Variants in MAST3 observed in about 807,000 individuals in gnomAD.
MAST3 encodes the protein microtubule-associated serine/threonine-protein kinase 3.
MAST3 carries 43 observed loss-of-function variants against 127.0 expected under a neutral mutation model. The ratio of observed to expected loss-of-function variants is 0.34; its 90% CI spans 0.27 to 0.44. The LOEUF is 0.44. Among genes scored for constraint, MAST3 ranks in the 20% least tolerant of loss-of-function variants. MAST3 has a pLI of 1.00. For missense variants in MAST3, 1,390 were observed against 1,919.1 expected, an observed-to-expected ratio of 0.72 and a Z score of 5.15; for synonymous variants, 785 against 809.2, an observed-to-expected ratio of 0.97 and a Z score of 0.51.
intron 11 of MAST3, among the ~76,000 whole-genome samples, chr19:18,126,543 A>G (rs1210295978): frequency 6.6e-6 from 1 of 152,202 alleles, no homozygotes; most frequent in Non-Finnish European, 1.5e-5. Context: ...AGGCCAAGGC[A>G]GGAGGATCAC....
At position 18,123,649 on chromosome 19, in the gene MAST3, C is replaced by A; in HGVS notation, c.627C>A (p.Phe209Leu). 6.3e-7 allele frequency: 1 copy of A among 1,578,772 alleles called. No individual in the cohort carries two copies. Among genetic ancestry groups the A allele is most frequent in the Non-Finnish European group, 8.6e-7 (1 of 1,163,664 alleles). Residue 209 changes from phenylalanine (F) to leucine (L), a missense_variant, in exon 8 of 28, where the codon TTC becomes TTA. By Grantham distance (22) the Phe-to-Leu change is conservative. Around this residue, in one of 5 missense-constraint regions of MAST3, gnomAD observed 277 missense variants for 384.8 expected, o/e 0.72. Transcript: ENST00000687212. ...VMMNHVYRER[F>L]PKATAQMEGR... The stretch of plus-strand genomic sequence containing the variant: ...TGAATCACGTGTACCGGGAGAGGTT[C>A]CCCAAGGTGGGCAGCGCCTGGCGGC...
chr19:18,099,909 G>A (rs1416282955), intron 1 of MAST3, among the ~76,000 whole-genome samples: 1 of 152,282 alleles, frequency 6.6e-6, no homozygotes, highest in African/African-American at 2.4e-5. Context: ...TAGGGTGATG[G>A]GGAGCTATGG....
In MAST3 at chr19:18,149,282, C is replaced by G. The variant is rs779341820; in HGVS notation, c.3600C>G (p.His1200Gln). 24 of 1,543,896 alleles carry G rather than the reference C, an allele frequency of 1.6e-5. No individual in the cohort carries two copies. The highest frequency in any genetic ancestry group is 1.8e-5 in the Non-Finnish European group (21 of 1,148,166). ...AAGHTRPSSLHGLAAKLGPPR... is the reference protein window; with the variant it reads ...AAGHTRPSSLQGLAAKLGPPR... ...GCCACACCCGCCCCAGCTCCCTGCACGGCCTGGCTGCCAAGCTTGGGCCAC... is the reference window on the plus strand; with the variant it reads ...GCCACACCCGCCCCAGCTCCCTGCAGGGCCTGGCTGCCAAGCTTGGGCCAC... Residue 1200 changes from histidine (H) to glutamine (Q), a missense_variant, in exon 28 of 28, where the codon CAC (histidine) becomes CAG (glutamine). His to Gln is a conservative substitution (Grantham distance 24). Transcript: ENST00000687212. This position sits in a 1 kb window ranked among gnomAD's most constrained non-coding sequence, Gnocchi z 5.9.
intron 21 of MAST3, among the ~76,000 whole-genome samples, chr19:18,143,047 G>A (rs1268233413): frequency 4.0e-5 from 6 of 151,366 alleles, no homozygotes; most frequent in Non-Finnish European, 8.8e-5. Flanking sequence ...GGGAGGCGGA[G>A]GTTACAGTGA....
At chr19:18,109,161 C>T (rs904603640) in intron 2 of MAST3, among the ~76,000 whole-genome samples, 1 of 152,040 alleles carries the variant, frequency 6.6e-6, no homozygotes, top group Non-Finnish European at 1.5e-5. Context: ...GTATGCTTGG[C>T]GTTAGAAGAA....
chr19:18,113,609 TGCC>T (rs2038897361), intron 3 of MAST3, among the ~76,000 whole-genome samples: 1 of 152,076 alleles, frequency 6.6e-6, no homozygotes, highest in African/African-American at 2.4e-5. Flanking sequence ...TACAGGCATC[TGCC>T]ACCACTCCTG....
intron 13 of MAST3, among the ~76,000 whole-genome samples, chr19:18,130,287 G>C (rs1427014898): frequency 1.3e-5 from 2 of 152,226 alleles, no homozygotes; most frequent in Non-Finnish European, 2.9e-5. Flanking sequence ...GCCATGTGCA[G>C]CCCATTTATA....
chr19:18,149,772 G>A lies in MAST3; in HGVS notation c.*46G>A, dbSNP rs1226686681. On this transcript the variant is annotated 3_prime_UTR_variant, in exon 28 of 28. Coordinates refer to ENST00000687212, the MANE Select transcript of MAST3 (RefSeq NM_001393504.1). The surrounding 1 kb of genome is among the most constrained non-coding windows in gnomAD (Gnocchi z 5.9). Reference sequence around the variant, plus strand: ...TGGCATCAAAGTTACGCGTTTTCTTGTGCAATGTTTTTTCCGTAAAGTCAT... The same window carrying A: ...TGGCATCAAAGTTACGCGTTTTCTTATGCAATGTTTTTTCCGTAAAGTCAT... The A allele has an allele frequency of 1.9e-6, 3 of 1,603,602 alleles. No individual in the cohort carries two copies. The highest frequency in any genetic ancestry group is 2.5e-6 in the Non-Finnish European group (3 of 1,178,364).
At chr19:18,123,444 C>T (rs2040229023) in intron 7 of MAST3, 70 bp downstream of exon 7, 4 of 1,519,656 alleles carry the variant, frequency 2.6e-6, no homozygotes, top group South Asian at 2.5e-5. Context: ...GTTGTGGCTC[C>T]TCCTTCACCC....
In MAST3 at chr19:18,150,028, C is replaced by T. The variant is rs1266846067; in HGVS notation, c.*302C>T. On this transcript the variant is annotated 3_prime_UTR_variant, in exon 28 of 28. Coordinates refer to ENST00000687212, the MANE Select transcript of MAST3 (RefSeq NM_001393504.1). ...TTGAGACAGAGTCTCACTCTGTTGC[C>T]CGGGCTGGAGTGCAGCGGCGTGATC... 3.2e-6 allele frequency: 1 copy of T among 309,864 alleles called. No individual in the cohort carries two copies. The highest frequency in any genetic ancestry group is 6.0e-6 in the Non-Finnish European group (1 of 165,608). The allele number at this position is 309,864 out of a possible 1,614,324, so 19.2% of individuals were successfully genotyped here. A position where few individuals can be genotyped will look rare whatever the true frequency, so the allele number is the denominator to read the frequency against.
intron 27 of MAST3, among the ~76,000 whole-genome samples, chr19:18,148,091 C>T (rs906424734): frequency 2.0e-5 from 3 of 152,066 alleles, no homozygotes. Flanking sequence ...CACCTGAGGT[C>T]GGGAGTTCAA....
chr19:18,108,088 C>T (rs952154620), intron 2 of MAST3, among the ~76,000 whole-genome samples: 1 of 152,036 alleles, frequency 6.6e-6, no homozygotes, highest in African/African-American at 2.4e-5. Flanking sequence ...GCCAGAAGTT[C>T]AAGATCAGCC....
chr19:18,134,517 C>A (rs1391528373), intron 15 of MAST3, 62 bp from the exon 16 acceptor site: 2 of 1,544,638 alleles, frequency 1.3e-6, no homozygotes, highest in Non-Finnish European at 8.8e-7. Context: ...AGGTCTAGGG[C>A]AGAAGGGGAG....
At chr19:18,132,168 C>T in intron 15 of MAST3, 121 bp downstream of exon 15, 5 of 1,355,466 alleles carry the variant, frequency 3.7e-6, no homozygotes, top group Non-Finnish European at 5.0e-6. Flanking sequence ...TCAGGAGCCC[C>T]ATCTGTCTGA....
At chr19:18,124,181 T>A in intron 9 of MAST3, 33 bp downstream of exon 9, 1 of 1,596,946 alleles carries the variant, frequency 6.3e-7, no homozygotes, top group Non-Finnish European at 8.5e-7. Context: ...AGGTTTTGCA[T>A]GCAGTGGGAC....
In MAST3 at chr19:18,144,730, C is replaced by T. The variant is rs1302971545; in HGVS notation, c.2812+37C>T. The stretch of plus-strand genomic sequence containing the variant: ...GGCCCCTCTCACCTTTGTCTGTCTG[C>T]ACCCATTTTCACCAACAGGGTGGGG... On this transcript the variant is annotated intron_variant, in intron 23 of 27. Coordinates refer to ENST00000687212, the MANE Select transcript of MAST3 (RefSeq NM_001393504.1). This position sits in a 1 kb window ranked among gnomAD's most constrained non-coding sequence, Gnocchi z 4.0. The T allele has an allele frequency of 1.3e-6, 2 of 1,593,438 alleles. No individual in the cohort carries two copies. The highest frequency in any genetic ancestry group is 1.3e-5 in the African/African-American group (1 of 74,756).
rs757019040 is a variant in MAST3 at position 18,123,384 on chromosome 19, G to A, written c.557+10G>A. The A allele has an allele frequency of 3.4e-5, 54 of 1,606,470 alleles. No individual in the cohort carries two copies. The highest frequency in any genetic ancestry group is 4.2e-5 in the Non-Finnish European group (50 of 1,177,208). ...GCTCTCGCAGTCTCAGGTGGGCCGC[G>A]ACCTCTGGCCCCAGCCCCGGCCCCT... On this transcript the variant is annotated intron_variant, in intron 7 of 27. Coordinates refer to ENST00000687212, the MANE Select transcript of MAST3 (RefSeq NM_001393504.1).
chr19:18,149,564 G>A lies in MAST3; in HGVS notation c.3882G>A (p.Leu1294=). Residue 1294 remains leucine (L), a synonymous_variant, in exon 28 of 28, where the codon CTG becomes CTA. Coordinates refer to ENST00000687212, the MANE Select transcript of MAST3 (RefSeq NM_001393504.1). This position sits in a 1 kb window ranked among gnomAD's most constrained non-coding sequence, Gnocchi z 5.9. The part of the protein sequence containing the change: ...AELVVMRRLH[L]SERRDSFKKQ... ...TCGTGGTCATGCGGCGGCTGCACCT[G>A]TCCGAGCGCCGAGACTCCTTCAAGA... The A allele has an allele frequency of 1.3e-6, 2 of 1,590,610 alleles. No individual in the cohort carries two copies. The highest frequency in any genetic ancestry group is 1.1e-5 in the South Asian group (1 of 88,322).
chr19:18,132,043 G>C lies in MAST3; in HGVS notation c.1567G>C (p.Asp523His). 6.2e-7 allele frequency: 1 copy of C among 1,614,166 alleles called. No homozygotes were observed. The highest frequency in any genetic ancestry group is 1.1e-5 in the South Asian group (1 of 91,084). Residue 523 changes from aspartate (D) to histidine (H), a missense_variant, in exon 15 of 28, where the codon GAC becomes CAC. Asp to His is a moderately conservative substitution (Grantham distance 81). Coordinates refer to ENST00000687212, the MANE Select transcript of MAST3 (RefSeq NM_001393504.1). ...YGIVHRDLKP[D>H]NLLITSLGHI... is the part of the protein sequence containing the mutation. ...CATCGTGCACCGTGACCTCAAACCA[G>C]ACAAGTGAGCTGAGCTAGCATGAGC...
Sources: gnomAD v4.1 joint callset for allele counts (sites outside exome capture counted in the v4.1 genomes callset) on GRCh38, gnomAD v4.1.1 for gene constraint, gnomAD v4.1.1 regional missense constraint, Gnocchi (gnomAD v3.1) non-coding constraint, MANE v1.5 for transcripts, NCBI Gene and HGNC (gene_info 2026-07-23, HGNC 2026-07-21) for gene names.